Variants in ROBO2 observed in about 807,000 individuals in gnomAD.
The protein encoded by ROBO2 is roundabout homolog 2.
Under a neutral mutation model 160.8 loss-of-function variants are expected in ROBO2, and 53 were observed. That is an observed-to-expected ratio of 0.33 (90% confidence interval 0.26 to 0.41). The LOEUF (loss-of-function observed/expected upper bound fraction) is 0.41, where lower values mean the gene tolerates loss of function less well. ROBO2 is among the 10% of genes least tolerant of loss of function. ROBO2 has a pLI of 1.00. For synonymous variants in ROBO2, 664 were observed against 611.7 expected, an observed-to-expected ratio of 1.09 and a Z score of -1.26; for missense variants, 1,577 against 1,722.4, an observed-to-expected ratio of 0.92 and a Z score of 1.49.
intron 2 of ROBO2, among the ~76,000 whole-genome samples, chr3:76,573,237 T>C (rs1457889338): frequency 6.6e-6 from 1 of 152,094 alleles, no homozygotes; most frequent in Non-Finnish European, 1.5e-5. Flanking sequence ...TTCCCTGATA[T>C]GTCTAAGACT....
intron 21 of ROBO2, among the ~76,000 whole-genome samples, chr3:77,614,080 C>T (rs2094711482): frequency 6.6e-6 from 1 of 152,206 alleles, no homozygotes; most frequent in Admixed American, 6.5e-5. Flanking sequence ...GTTGTAAAAA[C>T]TGTCTGAAAA....
At chr3:76,863,818 A>G (rs1190516428) in intron 2 of ROBO2, among the ~76,000 whole-genome samples, 2 of 152,138 alleles carry the variant, frequency 1.3e-5, no homozygotes, top group African/African-American at 4.8e-5. Flanking sequence ...GCCTCAAGCA[A>G]TAACAATGAT....
At chr3:77,025,221 A>AT (rs1182180222) in intron 2 of ROBO2, among the ~76,000 whole-genome samples, 1 of 152,168 alleles carries the variant, frequency 6.6e-6, no homozygotes, top group Non-Finnish European at 1.5e-5. Flanking sequence ...TGTCCTTTGC[A>AT]TTTGAGCTCT....
chr3:76,235,390 G>C (rs1436783898), intron 2 of ROBO2, among the ~76,000 whole-genome samples: 3 of 152,162 alleles, frequency 2.0e-5, no homozygotes, highest in African/African-American at 7.2e-5. Flanking sequence ...ACCAAAGAAA[G>C]CTAGAAAAGG....
At chr3:77,551,101 C>A in intron 8 of ROBO2, 112 bp downstream of exon 9, 1 of 1,171,192 alleles carries the variant, frequency 8.5e-7, no homozygotes, top group East Asian at 2.5e-5. Flanking sequence ...GTATGCTTAT[C>A]TTTTAAGTTT....
chr3:77,030,509 G>A (rs984186995), intron 2 of ROBO2, among the ~76,000 whole-genome samples: 3 of 152,098 alleles, frequency 2.0e-5, no homozygotes, highest in African/African-American at 7.2e-5. Context: ...CATTTCCTAG[G>A]ATTGTCATAA....
chr3:77,163,906 T>G (rs1330851892), intron 2 of ROBO2, among the ~76,000 whole-genome samples: 1 of 152,212 alleles, frequency 6.6e-6, no homozygotes, highest in Non-Finnish European at 1.5e-5. Context: ...CAGACATACA[T>G]ACAGATAAAA....
At chr3:76,042,054 A>G (rs1428156216) in intron 2 of ROBO2, among the ~76,000 whole-genome samples, 1 of 151,366 alleles carries the variant, frequency 6.6e-6, no homozygotes, top group African/African-American at 2.4e-5. Context: ...ACCCCAGAAC[A>G]TAGTAAAGTG....
exon 1 of ROBO2, chr3:77,040,174 G>C (rs1312804665): frequency 1.0e-6 from 1 of 985,646 alleles, no homozygotes; most frequent in Non-Finnish European, 1.2e-6. Flanking sequence ...AGAGGTGGAG[G>C]GAGGGCAACA....
intron 2 of ROBO2, among the ~76,000 whole-genome samples, chr3:76,503,241 T>G (rs2080581936): frequency 6.6e-6 from 1 of 152,156 alleles, no homozygotes; most frequent in South Asian, 2.1e-4. Context: ...TTCATGTTTT[T>G]CTGCCTGCTT....
intron 2 of ROBO2, among the ~76,000 whole-genome samples, chr3:76,096,167 A>C (rs1479270351): frequency 6.6e-6 from 1 of 152,280 alleles, no homozygotes; most frequent in Admixed American, 6.5e-5. Flanking sequence ...ATTCTGGGCC[A>C]TCTTCCATCA....
chr3:76,940,361 A>G (rs1016373398), intron 2 of ROBO2, among the ~76,000 whole-genome samples: 1 of 152,190 alleles, frequency 6.6e-6, no homozygotes, highest in African/African-American at 2.4e-5. Flanking sequence ...TGTAGGATTG[A>G]ATGGATTTTA....
chr3:77,586,900 G>T (rs1318879352), intron 16 of ROBO2, among the ~76,000 whole-genome samples: 1 of 150,360 alleles, frequency 6.7e-6, no homozygotes, highest in African/African-American at 2.4e-5. Flanking sequence ...GGCAGACATA[G>T]TGGGAAAATG....
In ROBO2 at chr3:76,812,909, A is replaced by ATTT. The variant is rs71104626; in HGVS notation, c.110-285081_110-285079dup. ...AAAGTGTCCTGGCACAGAAGTATAA[A>ATTT]TTTTTTTTTTTTTTTTTTTTTTTTT... On this transcript the variant is annotated intron_variant, in intron 2 of 26. Coordinates refer to the ROBO2 transcript ENST00000487694. Among the ~76,000 whole-genome samples the ATTT allele has an allele frequency of 1.1e-3, 118 of 104,650 alleles. 3 individuals are homozygous for ATTT. Among genetic ancestry groups the ATTT allele is most frequent in the African/African-American group, 3.1e-3 (84 of 27,536 alleles). The allele number at this position is 104,650 out of a possible 152,430, so 68.7% of individuals were successfully genotyped here.
intron 2 of ROBO2, among the ~76,000 whole-genome samples, chr3:76,824,543 C>G (rs1241989091): frequency 6.6e-6 from 1 of 152,152 alleles, no homozygotes; most frequent in East Asian, 1.9e-4. Context: ...CCATATCTTT[C>G]TTTCATTTAA....
At chr3:77,534,225 G>A (rs533938273) in intron 6 of ROBO2, among the ~76,000 whole-genome samples, 2 of 152,172 alleles carry the variant, frequency 1.3e-5, no homozygotes, top group East Asian at 1.9e-4. Context: ...ATACAGGAAA[G>A]TGAAGCCTTT....
chr3:77,010,369 A>AT (rs756261718), intron 2 of ROBO2, among the ~76,000 whole-genome samples: 43 of 152,324 alleles, frequency 2.8e-4, no homozygotes, highest in Admixed American at 3.9e-4. Context: ...AGAGTAATCA[A>AT]TTTAGAAAAC....
At chr3:77,350,585 A>G (rs2068220793) in intron 2 of ROBO2, among the ~76,000 whole-genome samples, 1 of 152,192 alleles carries the variant, frequency 6.6e-6, no homozygotes, top group African/African-American at 2.4e-5. Flanking sequence ...GACGAAGGAC[A>G]GACTTTTTTT....
chr3:77,505,297 A>G lies in ROBO2; in HGVS notation c.806+11915A>G, dbSNP rs77786592. Among the ~76,000 whole-genome samples the G allele has an allele frequency of 7.6e-3, 1,158 of 152,276 alleles. 20 individuals are homozygous for G. The highest frequency in any genetic ancestry group is 0.026 in the African/African-American group (1,101 of 41,562). On this transcript the variant is annotated intron_variant, in intron 5 of 25. Coordinates refer to ENST00000461745, the Ensembl canonical transcript of ROBO2. ...TGAGTGTATTGTGTGAGTTACACAA[A>G]TATGGACATTAATACAAGTGGTCAT... is the stretch of plus-strand genomic sequence containing the variant.
Sources: gnomAD v4.1 joint callset for allele counts (sites outside exome capture counted in the v4.1 genomes callset) on GRCh38, gnomAD v4.1.1 for gene constraint, MANE v1.5 for transcripts, NCBI Gene and HGNC (gene_info 2026-07-23, HGNC 2026-07-21) for gene names.